The following PYY variants were observed in gnomAD, a reference collection of about 807,000 sequenced individuals.
The protein encoded by PYY is peptide YY.
PYY carries 12 observed loss-of-function variants against 10.3 expected under a neutral mutation model. The ratio of observed to expected loss-of-function variants is 1.17; its 90% CI spans 0.75 to 1.89. The LOEUF is 1.89. PYY is among the 40% of genes most tolerant of loss of function. The probability of loss-of-function intolerance (pLI) is 0.00; values close to 1 mark genes in which losing one functional copy is unlikely to be tolerated. For synonymous variants in PYY, 66 were observed against 62.0 expected, an observed-to-expected ratio of 1.06 and a Z score of -0.30; for missense variants, 141 against 134.0, an observed-to-expected ratio of 1.05 and a Z score of -0.26.
chr17:43,985,965 T>C (rs2048913333), intron 1 of PYY, among the ~76,000 whole-genome samples: 1 of 152,154 alleles, frequency 6.6e-6, no homozygotes, highest in Admixed American at 6.6e-5. Flanking sequence ...ATTCTATATA[T>C]GAAAATGTTG....
chr17:43,963,604 AAGAAAGAAAGAAAGAAAGAAAGAGAAAG>A (rs2048731776), intron 2 of PYY, among the ~76,000 whole-genome samples: 1 of 91,112 alleles, frequency 1.1e-5, no homozygotes, highest in Non-Finnish European at 2.8e-5. Context: ...GAAAGAAAGA[AAGAAAGAAAGAAAGAAAGAAAGAGAAAG>A]AAAGAAAAGA....
At chr17:43,988,785 C>A (rs1490456508) in intron 1 of PYY, among the ~76,000 whole-genome samples, 1 of 138,732 alleles carries the variant, frequency 7.2e-6, no homozygotes, top group Non-Finnish European at 1.5e-5. Flanking sequence ...TTTTTTGAGA[C>A]GGAGTATCAC....
At chr17:43,969,655 T>G (rs914839300) in intron 1 of PYY, among the ~76,000 whole-genome samples, 1 of 152,046 alleles carries the variant, frequency 6.6e-6, no homozygotes, top group Non-Finnish European at 1.5e-5. Flanking sequence ...TTCCAATGCC[T>G]TGGGAGGCTA....
At chr17:43,960,532 CAAAAAAAAAA>C (rs1170040925) in intron 2 of PYY, among the ~76,000 whole-genome samples, 51 of 59,010 alleles carry the variant, frequency 8.6e-4, no homozygotes, top group Non-Finnish European at 1.1e-3. Context: ...GACTTTGTCT[CAAAAAAAAAA>C]AAAAAAAAAA....
intron 1 of PYY, among the ~76,000 whole-genome samples, chr17:43,995,829 G>GAAA (rs573860516): frequency 3.1e-5 from 3 of 97,786 alleles, no homozygotes; most frequent in Admixed American, 1.1e-4. Context: ...CCATCTCAAT[G>GAAA]AAAAAAAAAA....
intron 1 of PYY, among the ~76,000 whole-genome samples, chr17:44,000,009 TTTTTC>T (rs1157488654): frequency 3.9e-5 from 6 of 152,090 alleles, no homozygotes; most frequent in African/African-American, 1.4e-4. Context: ...GAGAGCTTCC[TTTTTC>T]TTTTCTTTTT....
At chr17:43,994,445 T>C (rs1394275524) in intron 1 of PYY, among the ~76,000 whole-genome samples, 1 of 152,126 alleles carries the variant, frequency 6.6e-6, no homozygotes, top group African/African-American at 2.4e-5. Flanking sequence ...GTTTCTCTGT[T>C]TGAGCCGCAG....
chr17:43,996,477 T>A (rs1446864186), intron 1 of PYY, among the ~76,000 whole-genome samples: 1 of 152,084 alleles, frequency 6.6e-6, no homozygotes, highest in Non-Finnish European at 1.5e-5. Flanking sequence ...GTAATTTTCA[T>A]TTTTTGAGAC....
At chr17:43,958,688 G>A (rs893764528), upstream of PYY, among the ~76,000 whole-genome samples, 1 of 152,014 alleles carries the variant, frequency 6.6e-6, no homozygotes, top group African/African-American at 2.4e-5. Flanking sequence ...CCCCTAAAAG[G>A]CATTTTAACC....
intron 1 of PYY, among the ~76,000 whole-genome samples, chr17:43,994,628 G>C (rs2048979042): frequency 6.6e-6 from 1 of 152,084 alleles, no homozygotes; most frequent in African/African-American, 2.4e-5. Flanking sequence ...AACGTGTCCC[G>C]CCCGAGGATG....
chr17:43,980,146 T>A (rs939851960), intron 1 of PYY, among the ~76,000 whole-genome samples: 4 of 148,822 alleles, frequency 2.7e-5, no homozygotes, highest in African/African-American at 9.9e-5. Flanking sequence ...TTTCTTTCTT[T>A]CCCCTCCACC....
chr17:43,959,173 A>T (rs763763342), intron 2 of PYY, among the ~76,000 whole-genome samples: 35 of 152,218 alleles, frequency 2.3e-4, no homozygotes, highest in Non-Finnish European at 3.2e-4. Context: ...CTCAATGTGA[A>T]TTTTGTGTTT....
At chr17:43,968,186 G>T (rs956744124) in intron 1 of PYY, among the ~76,000 whole-genome samples, 4 of 152,082 alleles carry the variant, frequency 2.6e-5, no homozygotes, top group Non-Finnish European at 4.4e-5. Context: ...TAAGACACCA[G>T]CCTGGGCGTG....
chr17:43,994,879 C>CG (rs1486133653), intron 1 of PYY, among the ~76,000 whole-genome samples: 2 of 152,128 alleles, frequency 1.3e-5, no homozygotes, highest in Admixed American at 1.3e-4. Context: ...GCCAGGGCCC[C>CG]GGGGGAAAGG....
At chr17:43,980,156 C>CTTTTTTTT (rs569138857) in intron 1 of PYY, among the ~76,000 whole-genome samples, 1 of 100,618 alleles carries the variant, frequency 9.9e-6, no homozygotes, top group Admixed American at 1.3e-4. Context: ...TCCCCTCCAC[C>CTTTTTTTT]TTTTTTTTTT....
At chr17:43,990,192 C>T (rs1357334879) in intron 1 of PYY, among the ~76,000 whole-genome samples, 1 of 151,724 alleles carries the variant, frequency 6.6e-6, no homozygotes, top group African/African-American at 2.4e-5. Context: ...AATCCCAGCA[C>T]TTTGGGAGGC....
chr17:43,981,206 T>C (rs1227981662), intron 1 of PYY, among the ~76,000 whole-genome samples: 2 of 152,136 alleles, frequency 1.3e-5, no homozygotes, highest in Non-Finnish European at 2.9e-5. Flanking sequence ...GGTGAACATA[T>C]ATACACACGT....
intron 1 of PYY, among the ~76,000 whole-genome samples, chr17:43,971,377 C>T (rs1005751490): frequency 1.2e-4 from 18 of 152,112 alleles, no homozygotes; most frequent in Non-Finnish European, 2.4e-4. Context: ...CAAGACCAGC[C>T]TGGCCAGTAT....
intron 1 of PYY, among the ~76,000 whole-genome samples, chr17:43,985,654 A>C (rs879694366): frequency 2.0e-5 from 3 of 152,216 alleles, no homozygotes; most frequent in Admixed American, 1.3e-4. Context: ...AATGTAACCA[A>C]TGGATATATC....
Sources: gnomAD v4.1 joint callset for allele counts (sites outside exome capture counted in the v4.1 genomes callset) on GRCh38, gnomAD v4.1.1 for gene constraint, MANE v1.5 for transcripts, NCBI Gene and HGNC (gene_info 2026-07-23, HGNC 2026-07-21) for gene names.